The following KANSL3 variants were observed in gnomAD, a reference collection of about 807,000 sequenced individuals.
KANSL3 encodes the protein NSL complex protein NSL3.
In KANSL3, 16 loss-of-function variants were observed where a neutral mutation model predicts 89.2. That is an observed-to-expected ratio of 0.18 (90% CI 0.12 to 0.27). The LOEUF is 0.27. Among genes scored for constraint, KANSL3 ranks in the 10% least tolerant of loss-of-function variants. The pLI, the probability that KANSL3 is intolerant of heterozygous loss-of-function variation, is 1.00. For missense variants in KANSL3, 879 were observed against 1,110.6 expected (o/e 0.79, Z 2.96); for synonymous variants, 385 against 419.7 (o/e 0.92, Z 1.01).
In KANSL3 at chr2:96,610,835, T is replaced by C. The variant is rs1049425163; in HGVS notation, c.1210A>G (p.Ile404Val). The change falls in exon 11 of 21, where the codon ATT becomes GTT. Residue 404 changes from isoleucine to valine, a missense_variant. Ile to Val is a conservative substitution (Grantham distance 29). This residue lies in a region of KANSL3 where 198 missense variants were observed against 260.3 expected (regional missense o/e 0.76). Transcript: ENST00000431828. ...LDMKTPVLFV[I>V]GQNSLQCHPE... ...TGACATTGAAGGGAATTCTGACCAA[T>C]GACAAAGAGGACTGGAGTCTTCATA... is the stretch of plus-strand genomic sequence containing the variant. 5 of 1,613,970 alleles carry C rather than the reference T, an allele frequency of 3.1e-6. No homozygotes were observed. Among genetic ancestry groups the C allele is most frequent in the Non-Finnish European group, 4.2e-6 (5 of 1,179,860 alleles).
chr2:96,611,901 A>ATGTGTGTGTG (rs1491403979), intron 9 of KANSL3, among the ~76,000 whole-genome samples: 18 of 31,772 alleles, frequency 5.7e-4, no homozygotes, highest in South Asian at 2.4e-3. Flanking sequence ...ATATATACCC[A>ATGTGTGTGTG]TATGTGTGTG....
At chr2:96,612,246 C>T (rs750579160) in intron 9 of KANSL3, 36 bp downstream of exon 9, 187 of 1,483,652 alleles carry the variant, frequency 1.3e-4, no homozygotes, top group Non-Finnish European at 1.1e-4. Flanking sequence ...GTATTCCATC[C>T]CAGGACAACC....
Position 96,637,201 on chromosome 2 carries a change from TCA to T in KANSL3, c.-50-18_-50-17del. ...TGCTAGTCACCTGCAGTGAAAAGTT[TCA>T]GTTTAGGTCAATTCCAATATCCTAA... On this transcript the variant is annotated splice_polypyrimidine_tract_variant and intron_variant, in intron 1 of 20. Transcript: ENST00000431828. 1 of 1,012,548 alleles carries T rather than the reference TCA, an allele frequency of 9.9e-7. No homozygotes were observed. Among genetic ancestry groups the T allele is most frequent in the Non-Finnish European group, 1.5e-6 (1 of 681,248 alleles). The allele number at this position is 1,012,548 out of a possible 1,614,324, so 62.7% of individuals were successfully genotyped here.
intron 3 of KANSL3, among the ~76,000 whole-genome samples, chr2:96,628,970 G>C (rs1320412184): frequency 6.6e-6 from 1 of 152,086 alleles, no homozygotes; most frequent in Admixed American, 6.5e-5. Context: ...CTGGAGTCAG[G>C]CTGCTTGGTT....
Position 96,608,958 on chromosome 2 carries a change from A to G in KANSL3, c.1490T>C (p.Val497Ala). The change falls in exon 13 of 21, where the codon GTG (valine) becomes GCG (alanine). Residue 497 changes from valine (V) to alanine (A), a missense_variant. This residue lies in a region of KANSL3 where 317 missense variants were observed against 311.2 expected (regional missense o/e 1.02). Transcript: ENST00000431828. ...TTCAAAGGCCAAGTCTCTGCGGGCC[A>G]CATCGCGGGGCTTCTTCTTCTTCTC... Reference protein sequence around the residue: ...DAEKKKKPRDVARRDLAFEVP... With the variant: ...DAEKKKKPRDAARRDLAFEVP... 6.4e-7 allele frequency: 1 copy of G among 1,563,432 alleles called. No homozygotes were observed. The highest frequency in any genetic ancestry group is 1.2e-5 in the South Asian group (1 of 84,856).
chr2:96,625,381 G>A lies in KANSL3; in HGVS notation c.387-5619C>T, dbSNP rs543079599. 1.5e-3 allele frequency among the ~76,000 whole-genome samples: 231 copies of A among 152,326 alleles called. 1 individual carries two copies. The highest frequency in any genetic ancestry group is 5.2e-3 in the African/African-American group (215 of 41,564). ...TTAAGCAACGAATACAATTTTTCAT[G>A]TTCAACAATCTCTGGAGCTTTCTCA... On this transcript the variant is annotated intron_variant, in intron 3 of 20. Transcript: ENST00000431828.
intron 5 of KANSL3, chr2:96,615,165 CAAAA>C (rs35960339): frequency 6.4e-4 from 53 of 83,020 alleles, no homozygotes; most frequent in African/African-American, 8.8e-4. Context: ...GAGACTGTCT[CAAAA>C]AAAAAAAAAA....
chr2:96,600,637 A>C (rs1191251649), intron 20 of KANSL3: 1 of 985,318 alleles, frequency 1.0e-6, no homozygotes, highest in East Asian at 1.1e-4. Flanking sequence ...CGGATACTGA[A>C]GGAAAGCACA....
chr2:96,614,552 C>T lies in KANSL3; in HGVS notation c.664-933G>A, dbSNP rs555371139. The stretch of plus-strand genomic sequence containing the variant: ...TTGAGAAGCCAAGGTGGGCAGATCA[C>T]TTGAGGTCAGGAGTTCGAGATAAGC... On this transcript the variant is annotated intron_variant, in intron 5 of 20. Coordinates refer to ENST00000431828, the MANE Select transcript of KANSL3 (RefSeq NM_001115016.3). Among the ~76,000 whole-genome samples, 3 of 152,250 alleles carry T rather than the reference C, an allele frequency of 2.0e-5. No homozygotes were observed. In the South Asian group the frequency reaches 6.2e-4, roughly 32 times the overall value.
downstream of KANSL3, among the ~76,000 whole-genome samples, chr2:96,588,604 T>A (rs1191622041): frequency 6.6e-6 from 1 of 152,130 alleles, no homozygotes; most frequent in African/African-American, 2.4e-5. Flanking sequence ...TTTCTTTTTT[T>A]TTTGGAGACG....
intron 14 of KANSL3, chr2:96,606,091 G>T (rs2067938430): frequency 6.6e-6 from 1 of 152,508 alleles, no homozygotes; most frequent in East Asian, 1.9e-4. Flanking sequence ...CCAAATGGAG[G>T]CAATGAAGAG....
chr2:96,628,187 A>G lies in KANSL3; in HGVS notation c.386+3125T>C, dbSNP rs987302348. On this transcript the variant is annotated intron_variant, in intron 3 of 20. Coordinates refer to ENST00000431828, the MANE Select transcript of KANSL3 (RefSeq NM_001115016.3). ...TATTCCGTGGACTCATCTTGCCTAG[A>G]GGAAAGATGTGTACATCCAGCTATT... 13 of 1,278,046 alleles carry G rather than the reference A, an allele frequency of 1.0e-5. No homozygotes were observed. The African/African-American group carries it at 2.0e-4, about 19-fold the overall frequency. The allele number at this position is 1,278,046 out of a possible 1,614,324, so 79.2% of individuals were successfully genotyped here.
the KANSL3 span, among the ~76,000 whole-genome samples, chr2:96,585,765 T>C: frequency 1.3e-5 from 2 of 152,148 alleles, no homozygotes; most frequent in African/African-American, 2.4e-5. Context: ...ATATATACCA[T>C]GGAATACTAT....
At position 96,602,214 on chromosome 2, in the gene KANSL3, C is replaced by T. The variant is rs2067279725; in HGVS notation, c.2384G>A (p.Gly795Glu). The change falls in exon 19 of 21, where the codon GGG becomes GAG. Residue 795 changes from glycine (G) to glutamate (E), a missense_variant. Coordinates refer to ENST00000431828, the MANE Select transcript of KANSL3 (RefSeq NM_001115016.3). ...TLSSLGATPGGKPTAIHQLLT... is the reference protein window; with the variant it reads ...TLSSLGATPGEKPTAIHQLLT... ...CAGCTGGTGGATGGCTGTGGGCTTC[C>T]CACCAGGAGTGGCACCCAAGGAGGA... 1 of 1,609,328 alleles carries T rather than the reference C, an allele frequency of 6.2e-7. No homozygotes were observed. The highest frequency in any genetic ancestry group is 1.3e-5 in the African/African-American group (1 of 74,862).
chr2:96,632,885 G>A (rs1270257368), intron 2 of KANSL3, among the ~76,000 whole-genome samples: 1 of 149,276 alleles, frequency 6.7e-6, no homozygotes, highest in Non-Finnish European at 1.5e-5. Context: ...AGAACGGTGT[G>A]AACCCAGGAG....
chr2:96,592,180 A>G (rs2314110), downstream of KANSL3, among the ~76,000 whole-genome samples: 149 of 152,228 alleles, frequency 9.8e-4, 1 homozygote, highest in South Asian at 0.013. Flanking sequence ...TAAGGAGGGT[A>G]ACACGATGTG....
intron 5 of KANSL3, among the ~76,000 whole-genome samples, 189 bp from the exon 6 acceptor site, chr2:96,613,808 T>A (rs796569174): frequency 4.7e-5 from 7 of 149,406 alleles, no homozygotes; most frequent in African/African-American, 1.5e-4. Flanking sequence ...CCATGAAAAG[T>A]GAATGTGTAC....
intron 14 of KANSL3, chr2:96,607,116 GA>G: frequency 9.7e-7 from 1 of 1,029,618 alleles, no homozygotes; most frequent in Non-Finnish European, 1.3e-6. Flanking sequence ...GAGGGAATAA[GA>G]AAAAAGGTTG....
chr2:96,618,799 T>C (rs777909883), intron 5 of KANSL3, among the ~76,000 whole-genome samples: 2 of 152,236 alleles, frequency 1.3e-5, no homozygotes, highest in Non-Finnish European at 2.9e-5. Flanking sequence ...ACATTGACGA[T>C]AGCCTGATGC....
Sources: allele counts gnomAD v4.1 joint callset (sites outside exome capture counted in the v4.1 genomes callset), GRCh38; gene constraint gnomAD v4.1.1; regional missense constraint gnomAD v4.1.1; transcripts MANE v1.5; gene names NCBI Gene and HGNC (gene_info 2026-07-23, HGNC 2026-07-21).